Variants in DLGAP2 observed in about 807,000 individuals in gnomAD.
DLGAP2 encodes DLG associated protein 2.
In DLGAP2, 26 loss-of-function variants were observed where a neutral mutation model predicts 100.3. The ratio of observed to expected loss-of-function variants is 0.26; its 90% CI spans 0.19 to 0.36. The LOEUF is 0.36. DLGAP2 is among the 10% of genes least tolerant of loss of function. DLGAP2 has a pLI of 1.00. For missense variants in DLGAP2, 1,858 were observed against 1,453.2 expected, an observed-to-expected ratio of 1.28 and a Z score of -4.53; for synonymous variants, 886 against 630.1, an observed-to-expected ratio of 1.41 and a Z score of -6.08.
At chr8:1,361,830 C>T (rs1038627532) in intron 3 of DLGAP2, among the ~76,000 whole-genome samples, 8 of 152,210 alleles carry the variant, frequency 5.3e-5, no homozygotes, top group African/African-American at 9.6e-5. Flanking sequence ...GAAACGTGCT[C>T]GCGGCGTCTT....
intron 2 of DLGAP2, among the ~76,000 whole-genome samples, chr8:1,094,371 G>A (rs1171666254): frequency 1.3e-5 from 2 of 152,220 alleles, no homozygotes; most frequent in Non-Finnish European, 2.9e-5. Context: ...GTGGGTCCAC[G>A]GTGAAGTGCA....
intron 2 of DLGAP2, among the ~76,000 whole-genome samples, chr8:1,257,201 C>G (rs1799243270): frequency 6.6e-6 from 1 of 152,114 alleles, no homozygotes; most frequent in Admixed American, 6.5e-5. Context: ...CACCAACCCT[C>G]TCCCGCTCAC....
chr8:1,529,691 A>G (rs770779780), intron 4 of DLGAP2, among the ~76,000 whole-genome samples: 4 of 152,250 alleles, frequency 2.6e-5, no homozygotes, highest in Non-Finnish European at 4.4e-5. Context: ...AAAAATGGCA[A>G]ATAATTACTC....
intron 2 of DLGAP2, among the ~76,000 whole-genome samples, chr8:1,192,740 G>A (rs1296776247): frequency 6.6e-6 from 1 of 151,258 alleles, no homozygotes; most frequent in Non-Finnish European, 1.5e-5. Flanking sequence ...GTTACATATG[G>A]AAACATGTGC....
intron 6 of DLGAP2, among the ~76,000 whole-genome samples, chr8:1,581,415 C>G (rs769283924): frequency 6.6e-6 from 1 of 151,738 alleles, no homozygotes; most frequent in African/African-American, 2.4e-5. Context: ...AAACCCCACA[C>G]ACATATACAC....
At chr8:1,462,645 A>G (rs1356278355) in intron 3 of DLGAP2, among the ~76,000 whole-genome samples, 1 of 152,162 alleles carries the variant, frequency 6.6e-6, no homozygotes, top group Non-Finnish European at 1.5e-5. Context: ...GCACTCGGTC[A>G]TCCTGCAGTA....
chr8:1,207,235 C>T (rs984781712), intron 2 of DLGAP2, among the ~76,000 whole-genome samples: 1 of 152,182 alleles, frequency 6.6e-6, no homozygotes, highest in Non-Finnish European at 1.5e-5. Flanking sequence ...CCACCCCTTC[C>T]CATCCTTCCC....
intron 13 of DLGAP2, among the ~76,000 whole-genome samples, chr8:1,693,747 A>T (rs1235200527): frequency 6.6e-6 from 1 of 152,238 alleles, no homozygotes; most frequent in Non-Finnish European, 1.5e-5. Context: ...GATTTTAAAG[A>T]GTCACCAACA....
intron 12 of DLGAP2, among the ~76,000 whole-genome samples, chr8:1,683,479 T>TG (rs1392951105): frequency 6.6e-6 from 1 of 151,272 alleles, no homozygotes; most frequent in African/African-American, 2.4e-5. Flanking sequence ...CCCCATACCC[T>TG]GGGGGATGAT....
chr8:1,227,745 G>C (rs1462398954), intron 2 of DLGAP2, among the ~76,000 whole-genome samples: 1 of 152,164 alleles, frequency 6.6e-6, no homozygotes, highest in African/African-American at 2.4e-5. Flanking sequence ...TATCAGGGAT[G>C]GGGTAGAGAG....
At chr8:1,254,104 G>T (rs1324380167) in intron 2 of DLGAP2, among the ~76,000 whole-genome samples, 57 of 152,220 alleles carry the variant, frequency 3.7e-4, no homozygotes, top group Non-Finnish European at 4.4e-5. Context: ...CATGGCCAGG[G>T]GGGCCAAGTT....
chr8:1,665,427 C>T lies in DLGAP2; in HGVS notation c.1811-2902C>T, dbSNP rs556787338. 4.6e-5 allele frequency among the ~76,000 whole-genome samples: 7 copies of T among 152,324 alleles called. No individual in the cohort carries two copies. In the East Asian group the frequency reaches 1.4e-3, roughly 29 times the overall value. ...GACATGTTGTGACATGGTTATGACG[C>T]TTGATATGTGCCATCGTTCACTGCT... On this transcript the variant is annotated intron_variant, in intron 8 of 14. Coordinates refer to ENST00000637795, the MANE Select transcript of DLGAP2 (RefSeq NM_001346810.2).
intron 4 of DLGAP2, among the ~76,000 whole-genome samples, chr8:1,548,052 C>G (rs1037711459): frequency 1.3e-5 from 2 of 152,178 alleles, no homozygotes; most frequent in Non-Finnish European, 2.9e-5. Context: ...TCCTTTAATA[C>G]CACAAAATCC....
intron 1 of DLGAP2, among the ~76,000 whole-genome samples, chr8:848,267 GATC>G (rs1797108158): frequency 6.6e-6 from 1 of 151,878 alleles, no homozygotes; most frequent in South Asian, 2.1e-4. Context: ...TCCAGTATAG[GATC>G]GTGTGGTGTG....
intron 3 of DLGAP2, among the ~76,000 whole-genome samples, chr8:1,476,680 G>A (rs1034496333): frequency 2.0e-5 from 3 of 151,366 alleles, no homozygotes; most frequent in African/African-American, 7.3e-5. Flanking sequence ...CAACCCACCA[G>A]CCCGTTATGC....
rs1798924967 is a variant in DLGAP2, at chr8:930,238, C to T, written c.73+22272C>T. Among the ~76,000 whole-genome samples the T allele has an allele frequency of 4.6e-5, 7 of 152,336 alleles. No individual in the cohort carries two copies. In the South Asian group the frequency reaches 1.5e-3, roughly 32 times the overall value. ...AGGAAGCAAAGGCAAGACGTGGAAT[C>T]CAGTTTGTTCTCCTCTTGGTTGATC... On this transcript the variant is annotated intron_variant, in intron 2 of 14. Transcript: ENST00000637795.
At chr8:1,176,416 G>C (rs542491981) in intron 2 of DLGAP2, among the ~76,000 whole-genome samples, 2 of 152,210 alleles carry the variant, frequency 1.3e-5, no homozygotes, top group Non-Finnish European at 2.9e-5. Flanking sequence ...AGCTCCGTTA[G>C]ATCTACACTT....
chr8:799,711 A>C (rs4735925), intron 1 of DLGAP2, among the ~76,000 whole-genome samples: 38,231 of 151,998 alleles, frequency 0.25, 6,060 homozygotes, highest in African/African-American at 0.45. Flanking sequence ...ATCTTCCCAC[A>C]TCCGTCTCTT....
At chr8:1,190,807 G>C (rs1002225792) in intron 2 of DLGAP2, among the ~76,000 whole-genome samples, 2 of 151,952 alleles carry the variant, frequency 1.3e-5, no homozygotes, top group Non-Finnish European at 2.9e-5. Flanking sequence ...CAAGGCGTGG[G>C]GTCTGTAGGG....
Sources: gnomAD v4.1 joint callset for allele counts (sites outside exome capture counted in the v4.1 genomes callset) on GRCh38, gnomAD v4.1.1 for gene constraint, MANE v1.5 for transcripts, NCBI Gene and HGNC (gene_info 2026-07-23, HGNC 2026-07-21) for gene names.